Variants in SATB2 observed in about 807,000 individuals in gnomAD.
The protein encoded by SATB2 is SATB homeobox 2.
Under a neutral mutation model 73.4 loss-of-function variants are expected in SATB2, and 1 was observed. The observed-to-expected ratio is 0.01, with a 90% CI of 0.00 to 0.06. SATB2 has a LOEUF of 0.06. Among genes scored for constraint, SATB2 ranks in the 10% least tolerant of loss-of-function variants. The probability of loss-of-function intolerance (pLI) is 1.00; values close to 1 mark genes in which losing one functional copy is unlikely to be tolerated. For synonymous variants in SATB2, 397 were observed against 367.0 expected (o/e 1.08, Z -0.93); for missense variants, 459 against 945.8 (o/e 0.49, Z 6.75).
At chr2:199,429,565 A>T (rs987348298) in intron 3 of SATB2, among the ~76,000 whole-genome samples, 1 of 152,254 alleles carries the variant, frequency 6.6e-6, no homozygotes, top group Non-Finnish European at 1.5e-5. Flanking sequence ...ACCTTAAAAA[A>T]AATCCAGTCA....
chr2:199,361,023 C>T (rs1198108656), intron 6 of SATB2, among the ~76,000 whole-genome samples: 1 of 152,124 alleles, frequency 6.6e-6, no homozygotes, highest in African/African-American at 2.4e-5. Context: ...TGGCCCTTTT[C>T]CTCTCAAAGC....
chr2:199,427,529 T>TTATCTTTTTAATAAA (rs1691372822), intron 3 of SATB2, among the ~76,000 whole-genome samples: 1 of 152,154 alleles, frequency 6.6e-6, no homozygotes, highest in African/African-American at 2.4e-5. Flanking sequence ...AAGATAGTCT[T>TTATCTTTTTAATAAA]TATCTTTTAG....
At chr2:199,353,803 C>A (rs2105830120) in intron 6 of SATB2, among the ~76,000 whole-genome samples, 1 of 152,220 alleles carries the variant, frequency 6.6e-6, no homozygotes, top group South Asian at 2.1e-4. Flanking sequence ...AACAGCAGTG[C>A]CTGGTTTTGT....
At chr2:199,309,273 G>C (rs540085410) in intron 9 of SATB2, among the ~76,000 whole-genome samples, 16 of 152,302 alleles carry the variant, frequency 1.1e-4, no homozygotes, top group African/African-American at 3.8e-4. Context: ...ATTTGTGTCA[G>C]TCAGCTACAA....
upstream of SATB2, among the ~76,000 whole-genome samples, chr2:199,462,052 A>C (rs1400725224): frequency 6.6e-6 from 1 of 152,188 alleles, no homozygotes; most frequent in Non-Finnish European, 1.5e-5. This position sits in a 1 kb window ranked among gnomAD's most constrained non-coding sequence, Gnocchi z 5.9. Context: ...AGGGCCCGGC[A>C]TCCATCCCCA....
Position 199,381,785 on chromosome 2 carries a change from G to A in SATB2, c.382C>T (p.Leu128Phe), listed in dbSNP as rs2105867984. ...TCGGGTGCATCTGTCACATAACTGA[G>A]GGGGAGAGGGTTCCACCTTCCCAGC... ...IKLGRWNPLP[L>F]SYVTDAPDAT... The change falls in exon 4 of 11, where the codon CTC (leucine) becomes TTC (phenylalanine). Residue 128 changes from leucine to phenylalanine, a missense_variant. Physicochemically the swap from Leu to Phe is conservative, Grantham distance 22. This residue lies in a region of SATB2 where 56 missense variants were observed against 183.7 expected (regional missense o/e 0.30). Transcript: ENST00000417098. 6.2e-7 allele frequency: 1 copy of A among 1,613,974 alleles called. No individual in the cohort carries two copies.
chr2:199,317,779 T>C (rs1203556848), intron 9 of SATB2, among the ~76,000 whole-genome samples: 1 of 151,950 alleles, frequency 6.6e-6, no homozygotes, highest in Non-Finnish European at 1.5e-5. Context: ...TTTCTTGAGA[T>C]TATACCAAGA....
At chr2:199,335,572 A>T (rs1688314343) in intron 7 of SATB2, among the ~76,000 whole-genome samples, 1 of 152,182 alleles carries the variant, frequency 6.6e-6, no homozygotes, top group African/African-American at 2.4e-5. Context: ...CATATTTTGC[A>T]CTTAGCGGCC....
At chr2:199,340,006 T>A (rs1285171529) in intron 7 of SATB2, among the ~76,000 whole-genome samples, 1 of 152,192 alleles carries the variant, frequency 6.6e-6, no homozygotes. Flanking sequence ...GGGGCATGAA[T>A]ATACTATAAA....
intron 3 of SATB2, among the ~76,000 whole-genome samples, chr2:199,417,509 G>A (rs931328372): frequency 6.6e-6 from 1 of 152,208 alleles, no homozygotes; most frequent in Non-Finnish European, 1.5e-5. Flanking sequence ...ACGACTGTGG[G>A]AAGAGTTGGA....
chr2:199,335,162 A>T (rs1207993422), intron 7 of SATB2, among the ~76,000 whole-genome samples: 2 of 152,164 alleles, frequency 1.3e-5, no homozygotes, highest in African/African-American at 4.8e-5. Flanking sequence ...TAAATCCTCA[A>T]AGAAAATGTC....
Position 199,369,073 on chromosome 2 carries a change from T to A in SATB2, c.598-366A>T, listed in dbSNP as rs894534409. The stretch of plus-strand genomic sequence containing the variant: ...TGCCTTTCAGATGTTTCTGTTCCGC[T>A]TCCAACTGCAACAAGCTTACACAGC... On this transcript the variant is annotated intron_variant, in intron 5 of 10. Coordinates refer to ENST00000417098, the MANE Select transcript of SATB2 (RefSeq NM_001172509.2). 22 of 199,462 alleles carry A rather than the reference T, an allele frequency of 1.1e-4. 1 individual carries two copies. In the South Asian group the frequency reaches 1.9e-3, roughly 18 times the overall value. 12.4% of individuals were successfully genotyped at this position (199,462 alleles called of 1,614,324 possible).
At chr2:199,298,149 C>T (rs556759208) in intron 10 of SATB2, among the ~76,000 whole-genome samples, 14 of 152,278 alleles carry the variant, frequency 9.2e-5, no homozygotes, top group Admixed American at 3.3e-4. Flanking sequence ...ATACTAATAA[C>T]GCTCAGAAGC....
rs772617927 is a variant in SATB2, at chr2:199,323,910, C to T, written c.1435G>A (p.Ala479Thr). Residue 479 changes from alanine to threonine, a missense_variant, in exon 9 of 11, where the codon GCC (alanine) becomes ACC (threonine). By Grantham distance (58) the Ala-to-Thr change is moderately conservative. Coordinates refer to ENST00000417098, the MANE Select transcript of SATB2 (RefSeq NM_001172509.2). ...ATGGCAGCTGTGATGTTGATGTTGG[C>T]GCCGTCCACCTTAATAGGGAGGTCT... is the stretch of plus-strand genomic sequence containing the variant. The part of the protein sequence containing the change: ...TTDLPIKVDG[A>T]NINITAAIYD... 5.6e-5 allele frequency: 91 copies of T among 1,613,274 alleles called. 1 individual carries two copies. Among genetic ancestry groups the T allele is most frequent in the Non-Finnish European group, 6.1e-5 (72 of 1,179,554 alleles).
chr2:199,322,925 CAG>C (rs1416092665), intron 9 of SATB2, among the ~76,000 whole-genome samples: 1 of 152,044 alleles, frequency 6.6e-6, no homozygotes, highest in African/African-American at 2.4e-5. Flanking sequence ...TATAAGGACA[CAG>C]AGGAAATCAA....
chr2:199,409,119 G>A (rs1172282162), intron 3 of SATB2, among the ~76,000 whole-genome samples: 1 of 150,930 alleles, frequency 6.6e-6, no homozygotes, highest in Non-Finnish European at 1.5e-5. Context: ...TAATTAGAAA[G>A]CTGAATTTAG....
At chr2:199,413,603 C>G (rs1690886969) in intron 3 of SATB2, among the ~76,000 whole-genome samples, 1 of 143,034 alleles carries the variant, frequency 7.0e-6, no homozygotes, top group Non-Finnish European at 1.5e-5. Flanking sequence ...TTCTGAGCAG[C>G]ATTGTGTCAA....
At chr2:199,311,198 C>T (rs1157881971) in intron 9 of SATB2, among the ~76,000 whole-genome samples, 2 of 152,096 alleles carry the variant, frequency 1.3e-5, no homozygotes, top group Admixed American at 6.6e-5. Flanking sequence ...CTTAAGGCAC[C>T]AGAGAACTTC....
chr2:199,413,883 C>T (rs923372843), intron 3 of SATB2, among the ~76,000 whole-genome samples: 1 of 152,086 alleles, frequency 6.6e-6, no homozygotes, highest in Non-Finnish European at 1.5e-5. Context: ...GACACCTACA[C>T]GAGACAAATA....
Sources: allele counts gnomAD v4.1 joint callset (sites outside exome capture counted in the v4.1 genomes callset), GRCh38; gene constraint gnomAD v4.1.1; regional missense constraint gnomAD v4.1.1; non-coding constraint Gnocchi (gnomAD v3.1); transcripts MANE v1.5; gene names NCBI Gene and HGNC (gene_info 2026-07-23, HGNC 2026-07-21).